RIMS1: variants seen among roughly 807,000 people sequenced by gnomAD.
The protein encoded by RIMS1 is regulating synaptic membrane exocytosis protein 1.
In RIMS1, 83 loss-of-function variants were observed where a neutral mutation model predicts 214.1. That is an observed-to-expected ratio of 0.39 (90% CI 0.32 to 0.47). The LOEUF (loss-of-function observed/expected upper bound fraction) is 0.47, where lower values mean the gene tolerates loss of function less well. RIMS1 is among the 20% of genes least tolerant of loss of function. RIMS1 has a pLI of 0.99. For synonymous variants in RIMS1, 793 were observed against 786.8 expected, an observed-to-expected ratio of 1.01 and a Z score of -0.13; for missense variants, 2,050 against 2,161.8, an observed-to-expected ratio of 0.95 and a Z score of 1.03.
At chr6:72,305,347 A>G (rs1157797846) in intron 26 of RIMS1, among the ~76,000 whole-genome samples, 2 of 152,100 alleles carry the variant, frequency 1.3e-5, no homozygotes, top group Non-Finnish European at 1.5e-5. Flanking sequence ...ATGTCAACAT[A>G]TTTTTAAATA....
intron 6 of RIMS1, among the ~76,000 whole-genome samples, chr6:72,200,275 CA>C (rs1243225283): frequency 1.3e-5 from 2 of 152,068 alleles, no homozygotes; most frequent in African/African-American, 2.4e-5. Context: ...CACTATATGA[CA>C]GGCACTTACC....
At chr6:72,373,724 GTACTT>G (rs998447395) in intron 29 of RIMS1, among the ~76,000 whole-genome samples, 7 of 151,822 alleles carry the variant, frequency 4.6e-5, no homozygotes, top group Non-Finnish European at 1.0e-4. Flanking sequence ...ATTAAATACT[GTACTT>G]GAAGTAATTT....
At chr6:72,041,183 C>T (rs1562183747) in intron 2 of RIMS1, among the ~76,000 whole-genome samples, 1 of 151,922 alleles carries the variant, frequency 6.6e-6, no homozygotes, top group Non-Finnish European at 1.5e-5. Context: ...AACTGAAGTT[C>T]TTTCTGTCTA....
intron 2 of RIMS1, among the ~76,000 whole-genome samples, chr6:72,005,390 T>G (rs940202370): frequency 6.6e-6 from 1 of 152,192 alleles, no homozygotes. Context: ...TAAAGTAGTT[T>G]TTTCCAATTC....
intron 2 of RIMS1, among the ~76,000 whole-genome samples, chr6:72,032,982 A>T (rs1449393609): frequency 6.6e-6 from 1 of 152,234 alleles, no homozygotes; most frequent in Admixed American, 6.5e-5. Context: ...GCAGGGATTT[A>T]TGCAGATGGG....
At chr6:72,382,524 A>G (rs1353512599) in intron 29 of RIMS1, among the ~76,000 whole-genome samples, 1 of 152,242 alleles carries the variant, frequency 6.6e-6, no homozygotes, top group African/African-American at 2.4e-5. Context: ...ACACAATTGT[A>G]TATGGGTAAA....
intron 6 of RIMS1, among the ~76,000 whole-genome samples, chr6:72,221,321 T>TGTGTGTGTGA (rs386407532): frequency 1.3e-5 from 2 of 151,044 alleles, no homozygotes; most frequent in African/African-American, 4.9e-5. Flanking sequence ...TGTGTGTGTG[T>TGTGTGTGTGA]GATTTTTTTT....
At chr6:72,098,568 T>C (rs1212146377) in intron 3 of RIMS1, among the ~76,000 whole-genome samples, 4 of 152,154 alleles carry the variant, frequency 2.6e-5, no homozygotes, top group African/African-American at 9.7e-5. Flanking sequence ...GGGCTGGGAT[T>C]ACAGGTGTGA....
intron 4 of RIMS1, among the ~76,000 whole-genome samples, chr6:72,166,984 A>G (rs2046358898): frequency 1.3e-5 from 2 of 152,008 alleles, no homozygotes; most frequent in Non-Finnish European, 2.9e-5. Flanking sequence ...TAAAAAGTAT[A>G]TATATTTGCC....
intron 15 of RIMS1, 54 bp downstream of exon 15, chr6:72,251,422 T>C: frequency 7.8e-7 from 1 of 1,281,476 alleles, no homozygotes; most frequent in Non-Finnish European, 1.1e-6. Context: ...AATGATCTAA[T>C]TAGTGATTAA....
chr6:72,107,128 C>T (rs2034918288), intron 4 of RIMS1, among the ~76,000 whole-genome samples: 1 of 152,184 alleles, frequency 6.6e-6, no homozygotes, highest in African/African-American at 2.4e-5. Context: ...GCATCATTTA[C>T]ACTTCATCAT....
chr6:72,094,438 C>G (rs2030532432), intron 2 of RIMS1, among the ~76,000 whole-genome samples: 1 of 152,008 alleles, frequency 6.6e-6, no homozygotes, highest in Non-Finnish European at 1.5e-5. Flanking sequence ...CTTTTGATTG[C>G]ACCATATAAA....
At chr6:72,382,260 T>C (rs138883705) in intron 29 of RIMS1, among the ~76,000 whole-genome samples, 19 of 152,340 alleles carry the variant, frequency 1.2e-4, no homozygotes, top group African/African-American at 4.6e-4. Context: ...GTTGTACTTA[T>C]CTGGCTTAGG....
intron 6 of RIMS1, among the ~76,000 whole-genome samples, chr6:72,210,491 G>C (rs974728060): frequency 6.6e-6 from 1 of 152,182 alleles, no homozygotes; most frequent in Non-Finnish European, 1.5e-5. Context: ...AACTGGTGTT[G>C]TGAGATCAAG....
intron 28 of RIMS1, among the ~76,000 whole-genome samples, chr6:72,332,522 C>A: frequency 9.5e-6 from 1 of 104,802 alleles, no homozygotes; most frequent in African/African-American, 3.8e-5. Context: ...ACATCACACT[C>A]TGGGGACTGT....
At chr6:72,275,921 T>C (rs1044047935) in intron 23 of RIMS1, among the ~76,000 whole-genome samples, 8 of 152,312 alleles carry the variant, frequency 5.3e-5, no homozygotes, top group Middle Eastern at 3.4e-3. Flanking sequence ...AAAAAATACT[T>C]CTGTGCCAGG....
intron 2 of RIMS1, among the ~76,000 whole-genome samples, chr6:72,086,035 T>C (rs1033369619): frequency 7.9e-5 from 12 of 152,160 alleles, no homozygotes; most frequent in African/African-American, 2.9e-4. Flanking sequence ...TTCCCAAATG[T>C]TTTCATTTTA....
intron 19 of RIMS1, chr6:72,263,698 G>A (rs192958104): frequency 5.0e-5 from 49 of 985,222 alleles, no homozygotes; most frequent in Middle Eastern, 1.0e-3. Context: ...AGTAAAATTT[G>A]TCCTCAACTT....
intron 11 of RIMS1, among the ~76,000 whole-genome samples, chr6:72,247,543 A>G (rs1453890340): frequency 6.6e-6 from 1 of 151,932 alleles, no homozygotes; most frequent in African/African-American, 2.4e-5. Context: ...CTCAAAAAAA[A>G]AAAAAAAAAA....
Sources: gnomAD v4.1 joint callset for allele counts (sites outside exome capture counted in the v4.1 genomes callset) on GRCh38, gnomAD v4.1.1 for gene constraint, MANE v1.5 for transcripts, NCBI Gene and HGNC (gene_info 2026-07-23, HGNC 2026-07-21) for gene names.